The following IQCJ variants were observed in gnomAD, a reference collection of about 807,000 sequenced individuals.
IQCJ encodes IQ domain-containing protein J.
A neutral mutation model predicts 11.0 loss-of-function variants in IQCJ; 9 were observed. That is an observed-to-expected ratio of 0.82 (90% CI 0.49 to 1.43). The LOEUF (loss-of-function observed/expected upper bound fraction) is 1.43, where lower values mean the gene tolerates loss of function less well. Among genes scored for constraint, IQCJ ranks in the 40% most tolerant of loss-of-function variants. IQCJ has a pLI of 0.00. For missense variants in IQCJ, 146 were observed against 133.2 expected (o/e 1.10, Z -0.47); for synonymous variants, 55 against 51.3 (o/e 1.07, Z -0.31).
chr3:159,104,562 GC>G (rs1718130487), intron 1 of IQCJ, among the ~76,000 whole-genome samples: 1 of 152,022 alleles, frequency 6.6e-6, no homozygotes, highest in South Asian at 2.1e-4. Context: ...CTGCATAGTT[GC>G]TTTGGAATAA....
chr3:159,127,818 T>C (rs1395871287), intron 1 of IQCJ, among the ~76,000 whole-genome samples: 2 of 152,206 alleles, frequency 1.3e-5, no homozygotes, highest in African/African-American at 4.8e-5. Context: ...TAATTAAAAA[T>C]CAGTGGGGGG....
At chr3:159,239,587 T>C (rs1303795696) in intron 1 of IQCJ, among the ~76,000 whole-genome samples, 1 of 152,206 alleles carries the variant, frequency 6.6e-6, no homozygotes, top group Non-Finnish European at 1.5e-5. Context: ...AACCTAAAAA[T>C]TAACCTTTGG....
intron 1 of IQCJ, among the ~76,000 whole-genome samples, chr3:159,133,483 T>G (rs1199834240): frequency 6.6e-6 from 1 of 152,214 alleles, no homozygotes; most frequent in Non-Finnish European, 1.5e-5. Flanking sequence ...AAGGCAAAAT[T>G]GTAAATAAAA....
chr3:159,080,804 C>T (rs1162807805), intron 1 of IQCJ, among the ~76,000 whole-genome samples: 8 of 152,078 alleles, frequency 5.3e-5, no homozygotes, highest in South Asian at 2.1e-4. Flanking sequence ...CTCCCTGCTT[C>T]GGGAGTCTGT....
chr3:159,089,842 C>T (rs2108077633), intron 1 of IQCJ, among the ~76,000 whole-genome samples: 1 of 151,714 alleles, frequency 6.6e-6, no homozygotes, highest in East Asian at 1.9e-4. Context: ...TCAAAGTTTT[C>T]AACTTCTTTG....
intron 1 of IQCJ, among the ~76,000 whole-genome samples, chr3:159,159,616 T>C (rs1486000219): frequency 6.6e-6 from 1 of 152,220 alleles, no homozygotes; most frequent in Non-Finnish European, 1.5e-5. Context: ...TTATTTTCTG[T>C]CTTCAAAAAC....
intron 2 of IQCJ, among the ~76,000 whole-genome samples, chr3:159,250,658 A>T (rs536544720): frequency 6.6e-6 from 1 of 152,182 alleles, no homozygotes; most frequent in Admixed American, 6.5e-5. Context: ...AAACCATCAG[A>T]TCTTGTGAGA....
rs1006572860 is a variant in IQCJ, at chr3:159,245,562, C to T, written c.10-281C>T. On this transcript the variant is annotated intron_variant, in intron 1 of 3. Coordinates refer to ENST00000397832, the MANE Select transcript of IQCJ (RefSeq NM_001042706.3). ...CTGCAAGCTCCGCCTCCTGGGTTCA[C>T]GCCATTCTCCTGCCTCAGCCTCCCA... Among the ~76,000 whole-genome samples the T allele has an allele frequency of 5.3e-5, 8 of 150,328 alleles. No homozygotes were observed. The East Asian group carries it at 6.0e-4, about 11-fold the overall frequency.
At chr3:159,194,038 G>A (rs549230482) in intron 1 of IQCJ, among the ~76,000 whole-genome samples, 2 of 152,176 alleles carry the variant, frequency 1.3e-5, no homozygotes, top group Non-Finnish European at 2.9e-5. Flanking sequence ...TCTGTGTATG[G>A]TTACTTGAGT....
chr3:159,254,624 C>T (rs1231487041), intron 3 of IQCJ, among the ~76,000 whole-genome samples: 1 of 152,126 alleles, frequency 6.6e-6, no homozygotes, highest in Non-Finnish European at 1.5e-5. Context: ...AAAATCTCCT[C>T]TCTGCATACA....
At chr3:159,074,882 T>C (rs1050987720) in intron 1 of IQCJ, among the ~76,000 whole-genome samples, 6 of 152,122 alleles carry the variant, frequency 3.9e-5, no homozygotes, top group African/African-American at 1.4e-4. Flanking sequence ...GACTGGCCTA[T>C]CTAATTAAAG....
rs144197769 is a variant in IQCJ, at chr3:159,157,195, G to C, written c.9+87754G>C. ...GAAAAAATAAGGGAGAAGGGTTGTTGTCCAGGGAAGCTGGCTCAGGCTTTG... is the reference window on the plus strand; with the variant it reads ...GAAAAAATAAGGGAGAAGGGTTGTTCTCCAGGGAAGCTGGCTCAGGCTTTG... On this transcript the variant is annotated intron_variant, in intron 1 of 3. Transcript: ENST00000397832. Among the ~76,000 whole-genome samples the C allele has an allele frequency of 2.7e-3, 416 of 152,334 alleles. 1 individual carries two copies. Among genetic ancestry groups the C allele is most frequent in the African/African-American group, 9.6e-3 (401 of 41,578 alleles).
At position 159,262,859 on chromosome 3, in the gene IQCJ, G is replaced by T; in HGVS notation, c.*128G>T. On this transcript the variant is annotated 3_prime_UTR_variant, in exon 4 of 4. Transcript: ENST00000397832. Reference sequence around the variant, plus strand: ...GAGAGTTTTGTCACCTCAAAATAAAGACACAATTCATAAGCACAAAGTGAA... The same window carrying T: ...GAGAGTTTTGTCACCTCAAAATAAATACACAATTCATAAGCACAAAGTGAA... The T allele has an allele frequency of 7.0e-7, 1 of 1,423,972 alleles. No individual in the cohort carries two copies. 88.2% of individuals were successfully genotyped at this position (1,423,972 alleles called of 1,614,324 possible).
chr3:159,249,902 TAC>T (rs10567080), intron 2 of IQCJ, among the ~76,000 whole-genome samples: 17,046 of 150,474 alleles, frequency 0.11, 3,264 homozygotes, highest in African/African-American at 0.39. Flanking sequence ...TGCATTTGTG[TAC>T]ACACACACAC....
chr3:159,204,817 A>G (rs968232213), intron 1 of IQCJ, among the ~76,000 whole-genome samples: 1 of 152,200 alleles, frequency 6.6e-6, no homozygotes, highest in African/African-American at 2.4e-5. Flanking sequence ...GAGAATTGAC[A>G]AAACAGGGAA....
intron 3 of IQCJ, among the ~76,000 whole-genome samples, chr3:159,256,403 A>G (rs1338584100): frequency 6.6e-6 from 1 of 152,214 alleles, no homozygotes; most frequent in Non-Finnish European, 1.5e-5. Context: ...TAGCATTCCC[A>G]AAAGAACTTT....
At chr3:159,187,197 G>A (rs1243898619) in intron 1 of IQCJ, among the ~76,000 whole-genome samples, 1 of 152,214 alleles carries the variant, frequency 6.6e-6, no homozygotes, top group East Asian at 1.9e-4. Flanking sequence ...TAAGCCCTGA[G>A]AATGAATATA....
intron 1 of IQCJ, among the ~76,000 whole-genome samples, chr3:159,156,504 A>G (rs1480830583): frequency 6.6e-6 from 1 of 152,122 alleles, no homozygotes; most frequent in African/African-American, 2.4e-5. Context: ...GCTGTAGTGG[A>G]GTGTTCCTGT....
At chr3:159,247,650 C>T (rs535768307) in intron 2 of IQCJ, among the ~76,000 whole-genome samples, 45 of 152,230 alleles carry the variant, frequency 3.0e-4, no homozygotes, top group African/African-American at 1.0e-3. Context: ...TAGGACTCTC[C>T]GTCAGACTAG....
Sources: gnomAD v4.1 joint callset for allele counts (sites outside exome capture counted in the v4.1 genomes callset) on GRCh38, gnomAD v4.1.1 for gene constraint, MANE v1.5 for transcripts, NCBI Gene and HGNC (gene_info 2026-07-23, HGNC 2026-07-21) for gene names.